Variants in CAPZB observed in about 807,000 individuals in gnomAD.
The protein encoded by CAPZB is F-actin-capping protein subunit beta.
A neutral mutation model predicts 38.1 loss-of-function variants in CAPZB; 2 were observed. The ratio of observed to expected loss-of-function variants is 0.05; its 90% CI spans 0.02 to 0.17. The LOEUF (loss-of-function observed/expected upper bound fraction) is 0.17, where lower values mean the gene tolerates loss of function less well. CAPZB is among the 10% of genes least tolerant of loss of function. CAPZB has a pLI of 1.00. For synonymous variants in CAPZB, 107 were observed against 127.4 expected (o/e 0.84, Z 1.08); for missense variants, 161 against 334.2 (o/e 0.48, Z 4.04).
intron 1 of CAPZB, among the ~76,000 whole-genome samples, chr1:19,443,959 T>TA (rs1027831316): frequency 1.3e-5 from 2 of 152,026 alleles, no homozygotes; most frequent in Non-Finnish European, 2.9e-5. Context: ...CCCCTCTGGT[T>TA]AAAAAAACTC....
chr1:19,413,015 G>A (rs1283685961), intron 2 of CAPZB, among the ~76,000 whole-genome samples: 1 of 152,210 alleles, frequency 6.6e-6, no homozygotes, highest in Admixed American at 6.5e-5. Flanking sequence ...CCGGCACCTA[G>A]AATAGTGTCT....
intron 1 of CAPZB, among the ~76,000 whole-genome samples, chr1:19,460,432 G>A (rs1174962886): frequency 2.0e-5 from 3 of 151,984 alleles, no homozygotes; most frequent in Admixed American, 6.6e-5. Context: ...GCCCGCCACC[G>A]CGCCCGGCTA....
intron 1 of CAPZB, among the ~76,000 whole-genome samples, chr1:19,431,590 G>T (rs1010373850): frequency 6.6e-6 from 1 of 152,126 alleles, no homozygotes; most frequent in East Asian, 1.9e-4. Context: ...GCGTGGTGGC[G>T]GGCGCCTGTA....
At position 19,413,493 on chromosome 1, in the gene CAPZB, C is replaced by A. The variant is rs147447156; in HGVS notation, c.93+6168G>T. ...GGACCACAGGCGCATGCCACCATGCCCAAAACATTTTTTAATTTTTAGTAG... is the reference window on the plus strand; with the variant it reads ...GGACCACAGGCGCATGCCACCATGCACAAAACATTTTTTAATTTTTAGTAG... On this transcript the variant is annotated intron_variant, in intron 2 of 8. Coordinates refer to ENST00000264202, the MANE Select transcript of CAPZB (RefSeq NM_004930.5). 3.7e-3 allele frequency among the ~76,000 whole-genome samples: 557 copies of A among 152,204 alleles called. 5 individuals are homozygous for A. The highest frequency in any genetic ancestry group is 0.013 in the African/African-American group (535 of 41,520).
rs1177445870 is a variant in CAPZB at position 19,345,406 on chromosome 1, C to A, written c.589-154G>T. On this transcript the variant is annotated intron_variant, in intron 6 of 8. Transcript: ENST00000264202. Reference sequence around the variant, plus strand: ...CAAGGCCAGTTTTGCAGCCTGGGAACTGAAGCACAAACCGACTTCAGTTTC... The same window carrying A: ...CAAGGCCAGTTTTGCAGCCTGGGAAATGAAGCACAAACCGACTTCAGTTTC... 2.0e-5 allele frequency among the ~76,000 whole-genome samples: 3 copies of A among 152,246 alleles called. 1 individual carries two copies. In the South Asian group the frequency reaches 6.2e-4, roughly 31 times the overall value.
rs528617668 is a variant in CAPZB at position 19,383,446 on chromosome 1, C to CAAAAAAAA, written c.215+2051_215+2058dup. ...TGGACAACAGAGTGAGACTCTGTCTCAAAAAAAAAAAAAAAAAAAATTAGC... is the reference window on the plus strand; with the variant it reads ...TGGACAACAGAGTGAGACTCTGTCTCAAAAAAAAAAAAAAAAAAAAAAAAAAAATTAGC... On this transcript the variant is annotated intron_variant, in intron 3 of 8. Coordinates refer to ENST00000264202, the MANE Select transcript of CAPZB (RefSeq NM_004930.5). Among the ~76,000 whole-genome samples the CAAAAAAAA allele has an allele frequency of 1.5e-4, 18 of 118,068 alleles. No homozygotes were observed. In the East Asian group the frequency reaches 2.6e-3, roughly 17 times the overall value. The allele number at this position is 118,068 out of a possible 152,430, so 77.5% of individuals were successfully genotyped here.
At chr1:19,351,348 C>A (rs1260610286) in intron 6 of CAPZB, among the ~76,000 whole-genome samples, 2 of 151,988 alleles carry the variant, frequency 1.3e-5, no homozygotes, top group Admixed American at 6.6e-5. Context: ...TGCTCTGCTG[C>A]CCAGGCTGGA....
At chr1:19,390,371 G>A (rs909110349) in intron 2 of CAPZB, among the ~76,000 whole-genome samples, 7 of 152,242 alleles carry the variant, frequency 4.6e-5, no homozygotes, top group African/African-American at 9.6e-5. Context: ...GCTGACACGC[G>A]GCAGCCGGAT....
At chr1:19,381,684 A>ATTTTTTTTT (rs869210528) in intron 3 of CAPZB, among the ~76,000 whole-genome samples, 1 of 84,532 alleles carries the variant, frequency 1.2e-5, no homozygotes, top group African/African-American at 4.8e-5. Flanking sequence ...TGCCCAGCTA[A>ATTTTTTTTT]TTTTTTTTTT....
chr1:19,463,203 C>T (rs12401874), intron 1 of CAPZB, among the ~76,000 whole-genome samples: 2 of 152,104 alleles, frequency 1.3e-5, no homozygotes, highest in South Asian at 2.1e-4. Flanking sequence ...GGTGGCTGCG[C>T]GGGTCTACAG....
chr1:19,394,766 G>A (rs1012306080), intron 2 of CAPZB, among the ~76,000 whole-genome samples: 7 of 152,134 alleles, frequency 4.6e-5, no homozygotes, highest in Non-Finnish European at 7.4e-5. Flanking sequence ...AGCAAGCCAC[G>A]CAACATAGAT....
At chr1:19,362,187 T>C (rs2100341537) in intron 4 of CAPZB, among the ~76,000 whole-genome samples, 1 of 134,262 alleles carries the variant, frequency 7.4e-6, no homozygotes, top group East Asian at 2.4e-4. Context: ...AGGGGGAAAT[T>C]TTTATTATAT....
intron 1 of CAPZB, among the ~76,000 whole-genome samples, chr1:19,441,072 A>G (rs552067611): frequency 6.6e-6 from 1 of 152,248 alleles, no homozygotes; most frequent in African/African-American, 2.4e-5. Flanking sequence ...AACAAAAAAC[A>G]AAAAACAAAA....
At chr1:19,475,335 C>T (rs912184240) in intron 1 of CAPZB, among the ~76,000 whole-genome samples, 1 of 152,214 alleles carries the variant, frequency 6.6e-6, no homozygotes, top group Non-Finnish European at 1.5e-5. Flanking sequence ...CCCTTCACTG[C>T]CCCTGGACTA....
At chr1:19,396,364 T>G (rs1445971791) in intron 2 of CAPZB, among the ~76,000 whole-genome samples, 3 of 152,090 alleles carry the variant, frequency 2.0e-5, no homozygotes, top group African/African-American at 7.2e-5. Flanking sequence ...GCACCTCCCT[T>G]AAAGGAGGGA....
intron 6 of CAPZB, among the ~76,000 whole-genome samples, chr1:19,346,708 C>T (rs953492483): frequency 2.6e-5 from 4 of 151,698 alleles, no homozygotes; most frequent in African/African-American, 7.3e-5. Context: ...GAGCAGAGGG[C>T]AGGAGAGAAC....
intron 1 of CAPZB, among the ~76,000 whole-genome samples, chr1:19,439,174 C>T (rs2094467774): frequency 1.3e-5 from 2 of 152,148 alleles, no homozygotes; most frequent in African/African-American, 4.8e-5. Context: ...GGAAGCAACA[C>T]GTCTCTTGGA....
intron 4 of CAPZB, among the ~76,000 whole-genome samples, chr1:19,363,893 G>A (rs2094068400): frequency 6.6e-6 from 1 of 152,196 alleles, no homozygotes; most frequent in Non-Finnish European, 1.5e-5. Flanking sequence ...CATGCCACAT[G>A]CCACAAGAAC....
At chr1:19,434,371 T>C (rs1228338866) in intron 1 of CAPZB, among the ~76,000 whole-genome samples, 1 of 152,036 alleles carries the variant, frequency 6.6e-6, no homozygotes, top group Admixed American at 6.5e-5. Context: ...ACAAAATATG[T>C]GTAAAGAAAG....
Sources: allele counts gnomAD v4.1 joint callset (sites outside exome capture counted in the v4.1 genomes callset), GRCh38; gene constraint gnomAD v4.1.1; transcripts MANE v1.5; gene names NCBI Gene and HGNC (gene_info 2026-07-23, HGNC 2026-07-21).